CNTNAP2: variants seen among roughly 807,000 people sequenced by gnomAD.
CNTNAP2 encodes contactin associated protein 2.
A neutral mutation model predicts 155.2 loss-of-function variants in CNTNAP2; 98 were observed. The ratio of observed to expected loss-of-function variants is 0.63; its 90% CI spans 0.54 to 0.75. The LOEUF (loss-of-function observed/expected upper bound fraction) is 0.75, where lower values mean the gene tolerates loss of function less well. CNTNAP2 is among the 30% of genes least tolerant of loss of function. CNTNAP2 has a pLI of 0.00. For synonymous variants in CNTNAP2, 651 were observed against 631.2 expected (o/e 1.03, Z -0.47); for missense variants, 1,727 against 1,688.1 (o/e 1.02, Z -0.40).
chr7:146,463,615 T>G (rs1584937201), intron 1 of CNTNAP2, among the ~76,000 whole-genome samples: 1 of 152,184 alleles, frequency 6.6e-6, no homozygotes, highest in East Asian at 1.9e-4. Context: ...CACATGTATA[T>G]ACATATATGC....
In CNTNAP2 at chr7:147,795,198, C is replaced by T. The variant is rs851688; in HGVS notation, c.2099-108367C>T. 5.2e-3 allele frequency among the ~76,000 whole-genome samples: 789 copies of T among 151,804 alleles called. 7 individuals carry two copies. The highest frequency in any genetic ancestry group is 0.018 in the African/African-American group (751 of 41,448). On this transcript the variant is annotated intron_variant, in intron 13 of 23. Transcript: ENST00000361727. ...GTTTGCATGACATGTGTTTTTCCATCCTGTCACTTTCAATCTATCTGGTTT... is the reference window on the plus strand; with the variant it reads ...GTTTGCATGACATGTGTTTTTCCATTCTGTCACTTTCAATCTATCTGGTTT...
intron 2 of CNTNAP2, among the ~76,000 whole-genome samples, chr7:146,785,252 G>A (rs1802556225): frequency 6.6e-6 from 1 of 152,064 alleles, no homozygotes; most frequent in African/African-American, 2.4e-5. Context: ...AGGATTACAG[G>A]CATGAGCCAC....
chr7:147,607,995 G>A (rs1200756766), intron 12 of CNTNAP2, among the ~76,000 whole-genome samples: 1 of 152,086 alleles, frequency 6.6e-6, no homozygotes, highest in African/African-American at 2.4e-5. Flanking sequence ...TTTTAGGTTG[G>A]ACCATAATTA....
At chr7:146,438,348 G>C (rs932535477) in intron 1 of CNTNAP2, among the ~76,000 whole-genome samples, 6 of 150,138 alleles carry the variant, frequency 4.0e-5, no homozygotes, top group Admixed American at 6.6e-5. Flanking sequence ...AACACAGCTT[G>C]TGAAACACTG....
At chr7:148,315,668 A>G (rs1797674878) in intron 21 of CNTNAP2, among the ~76,000 whole-genome samples, 1 of 152,226 alleles carries the variant, frequency 6.6e-6, no homozygotes, top group Non-Finnish European at 1.5e-5. Context: ...GGAATAAATA[A>G]TCAGAAACAT....
In CNTNAP2 at chr7:147,249,604, T is replaced by TAAAAAAAAAAAAAAAAAAAAAAAAAAAA. The variant is rs755601249; in HGVS notation, c.1349-50516_1349-50515insAAAAAAAAAAAAAAAAAAAAAAAAAAAA. Among the ~76,000 whole-genome samples, 23 of 69,996 alleles carry TAAAAAAAAAAAAAAAAAAAAAAAAAAAA rather than the reference T, an allele frequency of 3.3e-4. 1 individual carries two copies. In the East Asian group the frequency reaches 4.5e-3, roughly 14 times the overall value. 45.9% of individuals were successfully genotyped at this position (69,996 alleles called of 152,430 possible). On this transcript the variant is annotated intron_variant, in intron 8 of 23. Coordinates refer to ENST00000361727, the MANE Select transcript of CNTNAP2 (RefSeq NM_014141.6). The stretch of plus-strand genomic sequence containing the variant: ...CTATAATAAAGGAAGACATTGGAGG[T>TAAAAAAAAAAAAAAAAAAAAAAAAAAAA]AAAAAAAAAAAAAAAAAAAAAGGTT...
At chr7:146,437,881 GT>G (rs11353994) in intron 1 of CNTNAP2, among the ~76,000 whole-genome samples, 71,520 of 147,130 alleles carry the variant, frequency 0.49, 19,126 homozygotes, top group African/African-American at 0.7. Flanking sequence ...CCCCAATCTC[GT>G]TTTTTTTTTT....
chr7:146,152,363 G>T (rs1798064766), intron 1 of CNTNAP2, among the ~76,000 whole-genome samples: 1 of 152,086 alleles, frequency 6.6e-6, no homozygotes, highest in African/African-American at 2.4e-5. Flanking sequence ...GGCGAGGGAT[G>T]GTTGGGGTAC....
At chr7:147,593,517 C>T (rs1340129739) in intron 12 of CNTNAP2, among the ~76,000 whole-genome samples, 1 of 151,982 alleles carries the variant, frequency 6.6e-6, no homozygotes, top group Non-Finnish European at 1.5e-5. Flanking sequence ...CACTTACCAT[C>T]TGTTTAACCT....
chr7:147,630,316 T>TAAAAAAAAAAAAAAAAAAAAAAAAA (rs71183024), intron 12 of CNTNAP2, among the ~76,000 whole-genome samples: 2 of 73,078 alleles, frequency 2.7e-5, no homozygotes, highest in Non-Finnish European at 5.9e-5. Flanking sequence ...GAAACAGTAG[T>TAAAAAAAAAAAAAAAAAAAAAAAAA]AAAAAAAAAA....
chr7:147,899,899 A>G (rs1041865700), intron 13 of CNTNAP2, among the ~76,000 whole-genome samples: 2 of 147,058 alleles, frequency 1.4e-5, no homozygotes. Context: ...TCTCAAAAAA[A>G]AAAAAAGAAA....
At chr7:146,381,082 G>A (rs562524931) in intron 1 of CNTNAP2, among the ~76,000 whole-genome samples, 122 of 152,070 alleles carry the variant, frequency 8.0e-4, no homozygotes, top group African/African-American at 2.7e-3. Flanking sequence ...ACAGGCGTGA[G>A]CCACCGCGCC....
Position 147,341,094 on chromosome 7 carries a change from A to G in CNTNAP2, c.1498+40804A>G, listed in dbSNP as rs13241009. The stretch of plus-strand genomic sequence containing the variant: ...TTTGTGTGTGTGTGTGTGTGTGTAT[A>G]TATATACATATATTTATATTATAAA... On this transcript the variant is annotated intron_variant, in intron 9 of 23. Coordinates refer to ENST00000361727, the MANE Select transcript of CNTNAP2 (RefSeq NM_014141.6). 4.0e-3 allele frequency among the ~76,000 whole-genome samples: 385 copies of G among 95,728 alleles called. 2 individuals are homozygous for G. Among genetic ancestry groups the G allele is most frequent in the Middle Eastern group, 9.3e-3 (2 of 214 alleles). The allele number at this position is 95,728 out of a possible 152,430, so 62.8% of individuals were successfully genotyped here.
chr7:146,272,685 TC>T (rs1235860097), intron 1 of CNTNAP2, among the ~76,000 whole-genome samples: 1 of 152,026 alleles, frequency 6.6e-6, no homozygotes, highest in Admixed American at 6.6e-5. Flanking sequence ...CACACACACA[TC>T]CACATACAAA....
At chr7:147,862,910 A>C (rs754258122) in intron 13 of CNTNAP2, among the ~76,000 whole-genome samples, 2 of 152,050 alleles carry the variant, frequency 1.3e-5, no homozygotes, top group Non-Finnish European at 2.9e-5. Context: ...AAGGGAAGCA[A>C]AGTATCTTTC....
intron 13 of CNTNAP2, among the ~76,000 whole-genome samples, chr7:147,767,199 A>G (rs1222213381): frequency 2.0e-5 from 3 of 152,098 alleles, no homozygotes; most frequent in South Asian, 2.1e-4. Flanking sequence ...CAATATGTAA[A>G]CAGAATTTTG....
chr7:147,279,889 T>G (rs528273037), intron 8 of CNTNAP2, among the ~76,000 whole-genome samples: 1 of 151,982 alleles, frequency 6.6e-6, no homozygotes, highest in South Asian at 2.1e-4. Flanking sequence ...ATTAGGATGT[T>G]TACACGGTGG....
chr7:147,523,780 C>T (rs1799270000), intron 11 of CNTNAP2, among the ~76,000 whole-genome samples: 1 of 152,204 alleles, frequency 6.6e-6, no homozygotes, highest in African/African-American at 2.4e-5. Context: ...GCCTAGTTCA[C>T]AGCACAGACC....
intron 11 of CNTNAP2, among the ~76,000 whole-genome samples, chr7:147,490,079 T>G (rs143494752): frequency 2.0e-5 from 3 of 152,324 alleles, no homozygotes; most frequent in Admixed American, 1.3e-4. Context: ...CCTTGGAAAT[T>G]TATTAAATGT....
Sources: gnomAD v4.1 joint callset for allele counts (sites outside exome capture counted in the v4.1 genomes callset) on GRCh38, gnomAD v4.1.1 for gene constraint, MANE v1.5 for transcripts, NCBI Gene and HGNC (gene_info 2026-07-23, HGNC 2026-07-21) for gene names.